CBLB: variants seen among roughly 807,000 people sequenced by gnomAD.
The protein encoded by CBLB is E3 ubiquitin-protein ligase CBL-B.
In CBLB, 31 loss-of-function variants were observed where a neutral mutation model predicts 104.9. The ratio of observed to expected loss-of-function variants is 0.30; its 90% CI spans 0.22 to 0.40. The LOEUF (loss-of-function observed/expected upper bound fraction) is 0.40, where lower values mean the gene tolerates loss of function less well. Ranked by LOEUF, CBLB falls within the 10% of genes least tolerant of loss-of-function variation. The pLI is 1.00. For synonymous variants in CBLB, 440 were observed against 422.6 expected, an observed-to-expected ratio of 1.04 and a Z score of -0.51; for missense variants, 1,062 against 1,214.6, an observed-to-expected ratio of 0.87 and a Z score of 1.87.
At position 105,746,038 on chromosome 3, in the gene CBLB, G is replaced by C; in HGVS notation, c.724C>G (p.Pro242Ala). Residue 242 changes from proline (P) to alanine (A), a missense_variant and splice_region_variant, in exon 6 of 19, where the codon CCT becomes GCT. By Grantham distance (27) the Pro-to-Ala change is conservative (BLOSUM62 -1). Around this residue, in one of 2 missense-constraint regions of CBLB, gnomAD observed 457 missense variants for 632.0 expected, o/e 0.72. Coordinates refer to ENST00000394030, the MANE Select transcript of CBLB (RefSeq NM_170662.5). ...EFDIFTRLFQ[P>A]WGSILRNWNF... The stretch of plus-strand genomic sequence containing the variant: ...CAATTCCGCAAAATAGAGCCCCAAG[G>C]CTAAAAAATAAAAAAATTAAAAGAG... 1 of 1,596,492 alleles carries C rather than the reference G, an allele frequency of 6.3e-7. No homozygotes were observed. The highest frequency in any genetic ancestry group is 1.3e-5 in the African/African-American group (1 of 74,516).
At chr3:105,846,519 T>C (rs773114856) in intron 3 of CBLB, among the ~76,000 whole-genome samples, 5 of 152,104 alleles carry the variant, frequency 3.3e-5, no homozygotes, top group African/African-American at 4.8e-5. Flanking sequence ...CAGTAGCATT[T>C]AGTCTGAAAC....
chr3:105,701,280 A>C (rs2069059386), intron 12 of CBLB, among the ~76,000 whole-genome samples: 1 of 152,214 alleles, frequency 6.6e-6, no homozygotes, highest in African/African-American at 2.4e-5. Flanking sequence ...GGGGAAAAGA[A>C]CTTGGGAAAA....
At chr3:105,773,613 G>T (rs1486047556) in intron 4 of CBLB, among the ~76,000 whole-genome samples, 4 of 152,040 alleles carry the variant, frequency 2.6e-5, no homozygotes, top group Non-Finnish European at 4.4e-5. Flanking sequence ...TTTTTTTAAC[G>T]CTAGTAATAT....
intron 3 of CBLB, among the ~76,000 whole-genome samples, chr3:105,821,158 C>T (rs1016986660): frequency 1.3e-5 from 2 of 152,064 alleles, no homozygotes; most frequent in Admixed American, 1.3e-4. Flanking sequence ...TGTTCTGTCC[C>T]TTACATCCAA....
chr3:105,682,058 C>T (rs557804699), intron 14 of CBLB: 1 of 482,066 alleles, frequency 2.1e-6, no homozygotes, highest in South Asian at 2.4e-5. Context: ...ATTACAAGGG[C>T]CACAAAAATT....
intron 3 of CBLB, among the ~76,000 whole-genome samples, chr3:105,816,579 CA>C (rs905279273): frequency 6.6e-6 from 1 of 151,760 alleles, no homozygotes. Context: ...AAGTAGTTTA[CA>C]AAAAAAGAGA....
chr3:105,722,439 A>G (rs989964789), intron 9 of CBLB, among the ~76,000 whole-genome samples: 1 of 152,256 alleles, frequency 6.6e-6, no homozygotes, highest in Admixed American at 6.5e-5. Flanking sequence ...TCCCCAGTCC[A>G]GTTTCATCTA....
At chr3:105,824,648 A>G (rs1385478921) in intron 3 of CBLB, among the ~76,000 whole-genome samples, 2 of 152,074 alleles carry the variant, frequency 1.3e-5, no homozygotes, top group African/African-American at 2.4e-5. Flanking sequence ...ACTAAATTAT[A>G]GTAATAACAT....
chr3:105,693,801 A>G (rs1318362971), intron 12 of CBLB, among the ~76,000 whole-genome samples: 1 of 152,030 alleles, frequency 6.6e-6, no homozygotes, highest in Non-Finnish European at 1.5e-5. Flanking sequence ...AAAATGTTAC[A>G]CCATGATTCT....
intron 3 of CBLB, among the ~76,000 whole-genome samples, chr3:105,810,850 G>A (rs960119386): frequency 6.6e-6 from 1 of 151,966 alleles, no homozygotes; most frequent in South Asian, 2.1e-4. Context: ...ACTAAGTAAG[G>A]TTGCCTCCTG....
intron 2 of CBLB, among the ~76,000 whole-genome samples, chr3:105,864,107 A>C (rs190826522): frequency 1.1e-3 from 172 of 152,338 alleles, no homozygotes; most frequent in African/African-American, 4.0e-3. Flanking sequence ...GGCCAGCAGA[A>C]TCCAGACAGA....
intron 1 of CBLB, chr3:105,868,417 G>A (rs1327122222): frequency 2.0e-5 from 8 of 398,288 alleles, no homozygotes; most frequent in Middle Eastern, 6.4e-4. Flanking sequence ...TGGACTGGGA[G>A]GGGACAAAGT....
Position 105,678,526 on chromosome 3 carries a change from G to A in CBLB, c.2474C>T (p.Pro825Leu). The change falls in exon 17 of 19, where the codon CCA becomes CTA. Residue 825 changes from proline (P) to leucine (L), a missense_variant. Physicochemically the swap from Pro to Leu is moderately conservative, Grantham distance 98 (BLOSUM62 -3). Coordinates refer to ENST00000394030, the MANE Select transcript of CBLB (RefSeq NM_170662.5). ...DALPPSLPPP[P>L]PPARHSLIEH... ...AATGAGACTATGCCTTGCAGGAGGTGGGGGAGGTGGGAGAGATGGAGGGAG... is the reference window on the plus strand; with the variant it reads ...AATGAGACTATGCCTTGCAGGAGGTAGGGGAGGTGGGAGAGATGGAGGGAG... 6.2e-7 allele frequency: 1 copy of A among 1,613,766 alleles called. No individual in the cohort carries two copies. The highest frequency in any genetic ancestry group is 1.3e-5 in the African/African-American group (1 of 75,010).
At chr3:105,855,198 AAAG>A (rs1461214295) in intron 2 of CBLB, among the ~76,000 whole-genome samples, 1 of 152,196 alleles carries the variant, frequency 6.6e-6, no homozygotes, top group Non-Finnish European at 1.5e-5. Context: ...CAAAATCTTA[AAAG>A]AAGGAGTTAA....
At chr3:105,771,236 T>C (rs1468300261) in intron 4 of CBLB, among the ~76,000 whole-genome samples, 1 of 152,126 alleles carries the variant, frequency 6.6e-6, no homozygotes, top group Non-Finnish European at 1.5e-5. Context: ...CAGTTTAACA[T>C]ATGTAAGTTA....
At chr3:105,776,137 GCTT>G (rs2079428862) in intron 4 of CBLB, among the ~76,000 whole-genome samples, 1 of 152,090 alleles carries the variant, frequency 6.6e-6, no homozygotes, top group African/African-American at 2.4e-5. Context: ...ACATACCTCT[GCTT>G]CTCAGAACAA....
intron 4 of CBLB, among the ~76,000 whole-genome samples, chr3:105,776,191 T>C (rs966619232): frequency 6.6e-6 from 1 of 152,202 alleles, no homozygotes; most frequent in African/African-American, 2.4e-5. Context: ...TTGTATAATA[T>C]TTACTTAGTG....
intron 5 of CBLB, among the ~76,000 whole-genome samples, chr3:105,746,763 C>T (rs1009004853): frequency 1.3e-4 from 20 of 152,316 alleles, no homozygotes; most frequent in Admixed American, 1.1e-3. Flanking sequence ...ACTTGCATGA[C>T]TTGGCAAAGG....
intron 8 of CBLB, among the ~76,000 whole-genome samples, chr3:105,735,190 T>C (rs1227550571): frequency 1.3e-5 from 2 of 152,120 alleles, no homozygotes; most frequent in Admixed American, 1.3e-4. Context: ...TACATAAACA[T>C]ACATGGATAC....
Sources: gnomAD v4.1 joint callset for allele counts (sites outside exome capture counted in the v4.1 genomes callset) on GRCh38, gnomAD v4.1.1 for gene constraint, gnomAD v4.1.1 regional missense constraint, MANE v1.5 for transcripts, NCBI Gene and HGNC (gene_info 2026-07-23, HGNC 2026-07-21) for gene names.